GYS1: variants seen among roughly 807,000 people sequenced by gnomAD.
GYS1 encodes glycogen [starch] synthase, muscle.
In GYS1, 60 loss-of-function variants were observed where a neutral mutation model predicts 89.1. The observed-to-expected ratio is 0.67, with a 90% CI of 0.55 to 0.84. The LOEUF (loss-of-function observed/expected upper bound fraction) is 0.84, where lower values mean the gene tolerates loss of function less well. Among genes scored for constraint, GYS1 ranks in the 40% least tolerant of loss-of-function variants. The probability of loss-of-function intolerance (pLI) is 0.00; values close to 1 mark genes in which losing one functional copy is unlikely to be tolerated. For missense variants in GYS1, 888 were observed against 1,003.1 expected (o/e 0.89, Z 1.55); for synonymous variants, 366 against 401.7 (o/e 0.91, Z 1.06).
chr19:48,969,455 T>C lies in GYS1; in HGVS notation c.2047A>G (p.Lys683Glu), dbSNP rs141845425. 11 of 1,545,254 alleles carry C rather than the reference T, an allele frequency of 7.1e-6. No homozygotes were observed. In the East Asian group the frequency reaches 2.7e-4, roughly 38 times the overall value. The change falls in exon 16 of 16, where the codon AAG becomes GAG. Residue 683 changes from lysine to glutamate, a missense_variant. By Grantham distance (56) the Lys-to-Glu change is moderately conservative. Transcript: ENST00000323798. ...GGTGCACGGATGTTGCGCCGGTCCT[T>C]GGCGGCCTCCTCGTCCTCATCGTAG... is the stretch of plus-strand genomic sequence containing the variant. ...ERYDEDEEAAKDRRNIRAPEW... is the reference protein window; with the variant it reads ...ERYDEDEEAAEDRRNIRAPEW...
At chr19:48,977,542 G>C (rs1461792551) in intron 10 of GYS1, among the ~76,000 whole-genome samples, 1 of 152,060 alleles carries the variant, frequency 6.6e-6, no homozygotes, top group Admixed American at 6.5e-5. Flanking sequence ...GCAGTGAGCC[G>C]AGATCGTGCC....
chr19:48,982,789 T>C lies in GYS1; in HGVS notation c.872A>G (p.His291Arg), dbSNP rs967075263. 1.2e-6 allele frequency: 2 copies of C among 1,613,980 alleles called. No individual in the cohort carries two copies. The highest frequency in any genetic ancestry group is 2.2e-5 in the East Asian group (1 of 44,884). Residue 291 changes from histidine to arginine, a missense_variant, in exon 6 of 16, where the codon CAT becomes CGT. Physicochemically the swap from His to Arg is conservative, Grantham distance 29. Transcript: ENST00000323798. ...GLNVKKFSAM[H>R]EFQNLHAQSK... ...CTGAGCATGGAGGTTCTGGAACTCA[T>C]GCATGGCAGAAAACTTCTTCACATT...
rs768932205 is a variant in GYS1, at chr19:48,969,734, C to T, written c.1890+41G>A. On this transcript the variant is annotated intron_variant, in intron 15 of 15. Transcript: ENST00000323798. Reference sequence around the variant, plus strand: ...GACCCCCACCCCACCGAAGCCCAGCCCTTTAGCTCCTGGCTAAGCAGAAAT... The same window carrying T: ...GACCCCCACCCCACCGAAGCCCAGCTCTTTAGCTCCTGGCTAAGCAGAAAT... 2.2e-5 allele frequency: 35 copies of T among 1,599,304 alleles called. 1 individual carries two copies. The South Asian group carries it at 3.2e-4, about 15-fold the overall frequency.
In GYS1 at chr19:48,969,794, T is replaced by C; in HGVS notation, c.1871A>G (p.Glu624Gly). ...SKAFPEHFTYEPNEADAAQGY... is the reference protein window; with the variant it reads ...SKAFPEHFTYGPNEADAAQGY... ...ACTCACCGCATCCGCCTCGTTGGGC[T>C]CGTAGGTGAAGTGCTCTGGAAAGGC... The change falls in exon 15 of 16, where the codon GAG becomes GGG. Residue 624 changes from glutamate to glycine, a missense_variant. Physicochemically the swap from Glu to Gly is moderately conservative, Grantham distance 98. Transcript: ENST00000323798. 6.2e-7 allele frequency: 1 copy of C among 1,613,948 alleles called. No homozygotes were observed. Among genetic ancestry groups the C allele is most frequent in the Non-Finnish European group, 8.5e-7 (1 of 1,179,948 alleles).
chr19:48,968,284 C>T lies in GYS1; in HGVS notation c.*1004G>A, dbSNP rs2038491469. 1 of 454,278 alleles carries T rather than the reference C, an allele frequency of 2.2e-6. No individual in the cohort carries two copies. The allele number at this position is 454,278 out of a possible 1,614,324, so 28.1% of individuals were successfully genotyped here. On this transcript the variant is annotated 3_prime_UTR_variant, in exon 16 of 16. Transcript: ENST00000323798. ...TTTCACCAAAGCTGAAGGCAGGGCA[C>T]AGTTTGGGGATGGAAGAGCCTCGAG...
Position 48,974,234 on chromosome 19 carries a change from C to T in GYS1, c.1528G>A (p.Glu510Lys), listed in dbSNP as rs1400682175. ...CHLGVFPSYY[E>K]PWGYTPAECT... ...TCACCCGGTGTGTAGCCCCAAGGCT[C>T]ATAGTAGGAGGGGAAGACTCCAAGG... The change falls in exon 12 of 16, where the codon GAG becomes AAG. Residue 510 changes from glutamate to lysine, a missense_variant. By Grantham distance (56) the Glu-to-Lys change is moderately conservative. Coordinates refer to ENST00000323798, the MANE Select transcript of GYS1 (RefSeq NM_002103.5). 5.6e-6 allele frequency: 9 copies of T among 1,609,362 alleles called. No individual in the cohort carries two copies. Among genetic ancestry groups the T allele is most frequent in the East Asian group, 2.2e-5 (1 of 44,796 alleles).
In GYS1 at chr19:48,986,016, T is replaced by A. The variant is rs2038838185; in HGVS notation, c.512A>T (p.Glu171Val). 6.2e-7 allele frequency: 1 copy of A among 1,614,004 alleles called. No homozygotes were observed. The highest frequency in any genetic ancestry group is 1.1e-5 in the South Asian group (1 of 91,084). The change falls in exon 4 of 16, where the codon GAG (glutamate) becomes GTG (valine). Residue 171 changes from glutamate to valine, a missense_variant. By Grantham distance (121) the Glu-to-Val change is moderately radical (BLOSUM62 -2). Transcript: ENST00000323798. Reference sequence around the variant, plus strand: ...GAAGTGAGCAACCACATGTGGCTTCTCCTCACTCTGTGCCAGGAACTGTGG... The same window carrying A: ...GAAGTGAGCAACCACATGTGGCTTCACCTCACTCTGTGCCAGGAACTGTGG... ...FLGEFLAQSE[E>V]KPHVVAHFHE... is the part of the protein sequence containing the mutation.
Position 48,991,256 on chromosome 19 carries a change from G to A in GYS1, c.300+46C>T, listed in dbSNP as rs1431774701. On this transcript the variant is annotated intron_variant, in intron 2 of 15. Transcript: ENST00000323798. This position sits in a 1 kb window ranked among gnomAD's most constrained non-coding sequence, Gnocchi z 4.7. Reference sequence around the variant, plus strand: ...CTCCGTCTGTGGCTCCCACCCCGATGGCAGGCTGTCCACCCGCTTCTGCCC... The same window carrying A: ...CTCCGTCTGTGGCTCCCACCCCGATAGCAGGCTGTCCACCCGCTTCTGCCC... 6.3e-7 allele frequency: 1 copy of A among 1,595,918 alleles called. No individual in the cohort carries two copies. The highest frequency in any genetic ancestry group is 8.6e-7 in the Non-Finnish European group (1 of 1,167,010).
chr19:48,986,024 CTG>C lies in GYS1; in HGVS notation c.502_503del (p.Gln168GlufsTer2). 2.5e-6 allele frequency: 4 copies of C among 1,614,112 alleles called. No homozygotes were observed. The highest frequency in any genetic ancestry group is 3.4e-6 in the Non-Finnish European group (4 of 1,180,020). On this transcript the variant is annotated frameshift_variant, in exon 4 of 16. Coordinates refer to ENST00000323798, the MANE Select transcript of GYS1 (RefSeq NM_002103.5). LOFTEE classifies it high-confidence loss of function. ...TTWFLGEFLA[Q>X]SEEKPHVVAH... ...CAACCACATGTGGCTTCTCCTCACTCTGTGCCAGGAACTGTGGGCAACAGGGA... is the reference window on the plus strand; with the variant it reads ...CAACCACATGTGGCTTCTCCTCACTCTGCCAGGAACTGTGGGCAACAGGGA...
In GYS1 at chr19:48,985,448, GCC is replaced by G. The variant is rs750236338; in HGVS notation, c.823+11_823+12del. On this transcript the variant is annotated intron_variant, in intron 5 of 15. Transcript: ENST00000323798. ...ACCTCATTCACGTCTGGGGACTTCA[GCC>G]CAGCCCCTACCTGGTTTCCTCTTGA... The G allele has an allele frequency of 5.0e-6, 8 of 1,612,542 alleles. No individual in the cohort carries two copies. Among genetic ancestry groups the G allele is most frequent in the Middle Eastern group, 1.6e-4 (1 of 6,080 alleles).
chr19:48,969,283 C>T lies in GYS1; in HGVS notation c.*5G>A. The T allele has an allele frequency of 1.3e-6, 2 of 1,538,030 alleles. No individual in the cohort carries two copies. Among genetic ancestry groups the T allele is most frequent in the East Asian group, 2.4e-5 (1 of 41,204 alleles). ...AGGACAGGCGGGGAGTGTGGTGGGG[C>T]GGACTTAGTTACGCTCCTCGCCCAG... On this transcript the variant is annotated 3_prime_UTR_variant, in exon 16 of 16. Transcript: ENST00000323798.
chr19:48,979,215 G>A (rs1222245582), intron 8 of GYS1, among the ~76,000 whole-genome samples: 4 of 151,794 alleles, frequency 2.6e-5, no homozygotes, highest in African/African-American at 9.7e-5. Flanking sequence ...GACCACTTAG[G>A]CACACAAGTA....
rs5451 is a variant in GYS1 at position 48,969,576 on chromosome 19, C to T, written c.1926G>A (p.Val642=). The change falls in exon 16 of 16, where the codon GTG becomes GTA. Residue 642 remains valine (V), a synonymous_variant. Coordinates refer to ENST00000323798, the MANE Select transcript of GYS1 (RefSeq NM_002103.5). ...GTCGTGACAGCGAGGGCGACGGTGG[C>T]ACCGAGGCTGGCCGTGGGTAGCGGT... The part of the protein sequence containing the change: ...QGYRYPRPAS[V]PPSPSLSRHS... 1.6e-3 allele frequency: 2,513 copies of T among 1,538,472 alleles called. 36 individuals carry two copies. In the African/African-American group the frequency reaches 0.03, roughly 18 times the overall value.
chr19:48,977,721 C>T (rs2038679787), intron 10 of GYS1, among the ~76,000 whole-genome samples: 1 of 152,146 alleles, frequency 6.6e-6, no homozygotes, highest in African/African-American at 2.4e-5. Context: ...AGAAAACAGC[C>T]CACCCTAAGT....
intron 9 of GYS1, 48 bp from the exon 10 acceptor site, chr19:48,978,050 G>A (rs770779038): frequency 9.3e-6 from 15 of 1,605,746 alleles, no homozygotes; most frequent in Middle Eastern, 1.7e-4. Context: ...TAATGAGAGG[G>A]GTTAGTCAGG....
Position 48,978,530 on chromosome 19 carries a change from T to TTTATTATTA in GYS1, c.1170-382_1170-374dup, listed in dbSNP as rs71294392. Among the ~76,000 whole-genome samples, 911 of 146,712 alleles carry TTTATTATTA rather than the reference T, an allele frequency of 6.2e-3. 5 individuals are homozygous for TTTATTATTA. The highest frequency in any genetic ancestry group is 0.016 in the African/African-American group (645 of 39,394). ...TTGAGCCACTGTGCCCAGCAGTTTA[T>TTTATTATTA]TTATTATTATTATTATTATTATTGA... On this transcript the variant is annotated intron_variant, in intron 8 of 15. Transcript: ENST00000323798.
In GYS1 at chr19:48,977,933, A is replaced by G; in HGVS notation, c.1299T>C (p.Phe433=). 6.2e-7 allele frequency: 1 copy of G among 1,613,578 alleles called. No individual in the cohort carries two copies. The highest frequency in any genetic ancestry group is 8.5e-7 in the Non-Finnish European group (1 of 1,179,470). Residue 433 remains phenylalanine (F), a synonymous_variant, in exon 10 of 16, where the codon TTT becomes TTC. Transcript: ENST00000323798. ...GAGGTCCAATCCATACCTGCGTTGC[A>G]AAGATGGCTCTCTTCATCATAGTGA... ...EDFTMMKRAI[F]ATQRQSFPPV... is the part of the protein sequence containing the mutation.
Position 48,982,813 on chromosome 19 carries a change from T to C in GYS1, c.848A>G (p.Asn283Ser), listed in dbSNP as rs5461. ...ATGCATGGCAGAAAACTTCTTCACA[T>C]TCAGCCCATTGGGGGTCACAATATC... is the stretch of plus-strand genomic sequence containing the variant. Reference protein sequence around the residue: ...KPDIVTPNGLNVKKFSAMHEF... With the variant: ...KPDIVTPNGLSVKKFSAMHEF... The change falls in exon 6 of 16, where the codon AAT becomes AGT. Residue 283 changes from asparagine (N) to serine (S), a missense_variant. Physicochemically the swap from Asn to Ser is conservative, Grantham distance 46. Coordinates refer to ENST00000323798, the MANE Select transcript of GYS1 (RefSeq NM_002103.5). 1.2e-6 allele frequency: 2 copies of C among 1,611,062 alleles called. No homozygotes were observed. The highest frequency in any genetic ancestry group is 1.7e-4 in the Middle Eastern group (1 of 6,058).
chr19:48,991,650 TGAGGGGAACAC>T lies in GYS1; in HGVS notation c.119-178_119-168del, dbSNP rs2038931289. The T allele has an allele frequency of 2.9e-6, 2 of 697,596 alleles. No homozygotes were observed. The highest frequency in any genetic ancestry group is 2.4e-6 in the Non-Finnish European group (1 of 410,898). The allele number at this position is 697,596 out of a possible 1,614,324, so 43.2% of individuals were successfully genotyped here. A position where few individuals can be genotyped will look rare whatever the true frequency, so the allele number is the denominator to read the frequency against. ...TTGGAGTAGGGGTTGGAAGCTTGGA[TGAGGGGAACAC>T]GAGGGCTGGAGGGCAGTCCTCCTGG... On this transcript the variant is annotated intron_variant, in intron 1 of 15. Coordinates refer to ENST00000323798, the MANE Select transcript of GYS1 (RefSeq NM_002103.5). The surrounding 1 kb of genome is among the most constrained non-coding windows in gnomAD (Gnocchi z 4.7).
Sources: allele counts gnomAD v4.1 joint callset (sites outside exome capture counted in the v4.1 genomes callset), GRCh38; gene constraint gnomAD v4.1.1; non-coding constraint Gnocchi (gnomAD v3.1); transcripts MANE v1.5; gene names NCBI Gene and HGNC (gene_info 2026-07-23, HGNC 2026-07-21).